The following CNTNAP5 variants were observed in gnomAD, a reference collection of about 807,000 sequenced individuals.
CNTNAP5 encodes contactin-associated protein-like 5.
In CNTNAP5, 72 loss-of-function variants were observed where a neutral mutation model predicts 150.2. That is an observed-to-expected ratio of 0.48 (90% CI 0.40 to 0.58). The LOEUF is 0.58. Among genes scored for constraint, CNTNAP5 ranks in the 20% least tolerant of loss-of-function variants. The pLI is 0.00. For synonymous variants in CNTNAP5, 672 were observed against 619.8 expected, an observed-to-expected ratio of 1.08 and a Z score of -1.25; for missense variants, 1,636 against 1,626.2, an observed-to-expected ratio of 1.01 and a Z score of -0.10.
intron 13 of CNTNAP5, among the ~76,000 whole-genome samples, chr2:124,685,507 G>A (rs1347206110): frequency 1.3e-5 from 2 of 152,102 alleles, no homozygotes; most frequent in Admixed American, 1.3e-4. Context: ...GTTACATTTG[G>A]TGATTGTGAT....
intron 11 of CNTNAP5, among the ~76,000 whole-genome samples, chr2:124,609,393 A>C (rs1677325953): frequency 6.6e-6 from 1 of 152,166 alleles, no homozygotes; most frequent in Non-Finnish European, 1.5e-5. Context: ...GTTCAAGACC[A>C]ACCTGGATAA....
chr2:124,732,004 C>G (rs1212871027), intron 13 of CNTNAP5, among the ~76,000 whole-genome samples: 2 of 152,054 alleles, frequency 1.3e-5, no homozygotes, highest in Non-Finnish European at 2.9e-5. Context: ...AAAATTTATT[C>G]TTTTACTCGG....
chr2:124,691,266 T>C (rs1376491272), intron 13 of CNTNAP5, among the ~76,000 whole-genome samples: 2 of 152,152 alleles, frequency 1.3e-5, no homozygotes, highest in African/African-American at 4.8e-5. Context: ...CCTATAATCA[T>C]ACAAGGTAGG....
At chr2:124,492,500 T>C (rs1694053855) in intron 7 of CNTNAP5, among the ~76,000 whole-genome samples, 1 of 152,214 alleles carries the variant, frequency 6.6e-6, no homozygotes, top group African/African-American at 2.4e-5. Flanking sequence ...TACCTTGAAA[T>C]TAGGAAATGT....
In CNTNAP5 at chr2:124,860,024, A is replaced by G. The variant is rs1350945334; in HGVS notation, c.3218-5282A>G. ...GTATACATATGTAACAAACCTGTACATTGTGCACATGTATCCTAGAACTTA... is the reference window on the plus strand; with the variant it reads ...GTATACATATGTAACAAACCTGTACGTTGTGCACATGTATCCTAGAACTTA... On this transcript the variant is annotated intron_variant, in intron 19 of 23. Coordinates refer to ENST00000682447, the MANE Select transcript of CNTNAP5 (RefSeq NM_001367498.1). Among the ~76,000 whole-genome samples, 5 of 151,992 alleles carry G rather than the reference A, an allele frequency of 3.3e-5. No individual in the cohort carries two copies. In the South Asian group the frequency reaches 8.3e-4, roughly 25 times the overall value.
Position 124,688,945 on chromosome 2 carries a change from GT to G in CNTNAP5, c.2077+40988del, listed in dbSNP as rs577580951. The stretch of plus-strand genomic sequence containing the variant: ...GGTGAGGAAAACATTGAATTCAGTG[GT>G]AATGTATTTTGATAATAGCAGGCAG... On this transcript the variant is annotated intron_variant, in intron 13 of 23. Coordinates refer to ENST00000682447, the MANE Select transcript of CNTNAP5 (RefSeq NM_001367498.1). 1.7e-3 allele frequency among the ~76,000 whole-genome samples: 252 copies of G among 152,212 alleles called. 1 individual carries two copies. The highest frequency in any genetic ancestry group is 5.9e-3 in the African/African-American group (246 of 41,552).
intron 10 of CNTNAP5, among the ~76,000 whole-genome samples, chr2:124,553,514 A>T (rs1447670390): frequency 6.6e-6 from 1 of 151,952 alleles, no homozygotes; most frequent in East Asian, 1.9e-4. Context: ...AAAAAAAAAA[A>T]AAAAAAGTTA....
chr2:124,787,118 G>C (rs546683311), intron 17 of CNTNAP5, among the ~76,000 whole-genome samples: 1 of 152,140 alleles, frequency 6.6e-6, no homozygotes, highest in Non-Finnish European at 1.5e-5. Context: ...TGTTGACTAA[G>C]TCACACGCAA....
At chr2:124,111,070 T>C (rs1374858205) in intron 1 of CNTNAP5, among the ~76,000 whole-genome samples, 1 of 152,222 alleles carries the variant, frequency 6.6e-6, no homozygotes, top group African/African-American at 2.4e-5. Flanking sequence ...GAATAATTTA[T>C]GTAGCATAAA....
At chr2:124,592,409 T>G (rs1910529) in intron 11 of CNTNAP5, among the ~76,000 whole-genome samples, 140,388 of 151,414 alleles carry the variant, frequency 0.93, 66,060 homozygotes, top group East Asian at 1. Flanking sequence ...AAATAAAAGG[T>G]TAAATGGACA....
At chr2:124,522,772 G>T (rs978168909) in intron 8 of CNTNAP5, among the ~76,000 whole-genome samples, 1 of 152,162 alleles carries the variant, frequency 6.6e-6, no homozygotes, top group Non-Finnish European at 1.5e-5. Flanking sequence ...TCTCAGTCCA[G>T]ACCTTTGTTT....
Position 124,523,628 on chromosome 2 carries a change from G to A in CNTNAP5, c.1328-675G>A, listed in dbSNP as rs758301761. ...ACCTTTCTCCCAGTGCCTTTAGAGA[G>A]TGTCGTGCCTCATTTCATTTGATCC... On this transcript the variant is annotated intron_variant, in intron 8 of 23. Transcript: ENST00000682447. Among the ~76,000 whole-genome samples the A allele has an allele frequency of 6.9e-4, 105 of 152,186 alleles. 2 individuals carry two copies. The highest frequency in any genetic ancestry group is 1.3e-4 in the Non-Finnish European group (9 of 68,034).
At chr2:124,707,266 T>A (rs1306953807) in intron 13 of CNTNAP5, among the ~76,000 whole-genome samples, 1 of 152,030 alleles carries the variant, frequency 6.6e-6, no homozygotes, top group African/African-American at 2.4e-5. Context: ...TGCTCAGAGG[T>A]AATGCCCAGG....
At chr2:124,380,692 C>A (rs754469357) in intron 3 of CNTNAP5, among the ~76,000 whole-genome samples, 10 of 152,134 alleles carry the variant, frequency 6.6e-5, no homozygotes, top group Non-Finnish European at 1.5e-5. Context: ...CCCTCCCCTA[C>A]CTCCACTCTC....
At chr2:124,491,932 T>C (rs1694038667) in intron 7 of CNTNAP5, among the ~76,000 whole-genome samples, 1 of 152,080 alleles carries the variant, frequency 6.6e-6, no homozygotes, top group South Asian at 2.1e-4. Flanking sequence ...CTTTGCTCTT[T>C]TTATTATATT....
chr2:124,531,642 G>A (rs936252800), intron 10 of CNTNAP5, among the ~76,000 whole-genome samples: 1 of 152,126 alleles, frequency 6.6e-6, no homozygotes, highest in African/African-American at 2.4e-5. Flanking sequence ...AAGACCTGGA[G>A]ACGTATGTCA....
intron 1 of CNTNAP5, among the ~76,000 whole-genome samples, chr2:124,054,208 A>G (rs1474771150): frequency 1.3e-5 from 2 of 151,958 alleles, no homozygotes; most frequent in African/African-American, 4.8e-5. Flanking sequence ...CTGAGAAACT[A>G]TGTGCACTTG....
intron 11 of CNTNAP5, among the ~76,000 whole-genome samples, chr2:124,577,612 G>C (rs1292410725): frequency 6.6e-6 from 1 of 152,162 alleles, no homozygotes; most frequent in Non-Finnish European, 1.5e-5. Flanking sequence ...AGGAATGTGG[G>C]CAGAAGGGAG....
At chr2:124,896,395 A>G (rs1678305447) in intron 21 of CNTNAP5, among the ~76,000 whole-genome samples, 1 of 151,498 alleles carries the variant, frequency 6.6e-6, no homozygotes, top group Admixed American at 6.6e-5. Flanking sequence ...CTTACTCTGT[A>G]TTGGACACTG....
Sources: gnomAD v4.1 joint callset for allele counts (sites outside exome capture counted in the v4.1 genomes callset) on GRCh38, gnomAD v4.1.1 for gene constraint, MANE v1.5 for transcripts, NCBI Gene and HGNC (gene_info 2026-07-23, HGNC 2026-07-21) for gene names.